The following IFT56 variants were observed in gnomAD, a reference collection of about 807,000 sequenced individuals.
IFT56 encodes the protein intraflagellar transport protein 56.
At chr7:139,187,846 C>A in the IFT56 span, among the ~76,000 whole-genome samples, 8 of 151,430 alleles carry the variant, frequency 5.3e-5, no homozygotes, top group African/African-American at 1.7e-4. Flanking sequence ...AATGAACAGC[C>A]ATTTTTATAG....
chr7:139,159,572 C>T, the IFT56 span, among the ~76,000 whole-genome samples: 2 of 152,256 alleles, frequency 1.3e-5, no homozygotes, highest in Admixed American at 1.3e-4. Context: ...TGGTATTGGG[C>T]TTTCTTTTTT....
chr7:139,184,186 C>T, the IFT56 span, among the ~76,000 whole-genome samples: 1 of 152,216 alleles, frequency 6.6e-6, no homozygotes, highest in Non-Finnish European at 1.5e-5. Context: ...GTCTCCTTTC[C>T]TTGCTTTCTC....
the IFT56 span, among the ~76,000 whole-genome samples, chr7:139,156,685 T>A: frequency 5.3e-5 from 8 of 152,214 alleles, no homozygotes; most frequent in South Asian, 4.1e-4. Flanking sequence ...ATTTTATTTT[T>A]TTTTCCATGA....
chr7:139,148,580 C>T, the IFT56 span, among the ~76,000 whole-genome samples: 1 of 152,108 alleles, frequency 6.6e-6, no homozygotes, highest in Non-Finnish European at 1.5e-5. Flanking sequence ...TGTGTTATGT[C>T]CATTAAATTG....
At chr7:139,142,285 C>G in the IFT56 span, 4 of 1,614,034 alleles carry the variant, frequency 2.5e-6, no homozygotes, top group South Asian at 2.2e-5. Context: ...AAACCGCCTC[C>G]TCTTCCACTT....
At chr7:139,152,969 T>C in the IFT56 span, among the ~76,000 whole-genome samples, 1 of 151,656 alleles carries the variant, frequency 6.6e-6, no homozygotes, top group Non-Finnish European at 1.5e-5. Context: ...GGCAACACAG[T>C]GAAACCCCGA....
chr7:139,188,591 A>G, the IFT56 span, among the ~76,000 whole-genome samples: 1 of 152,248 alleles, frequency 6.6e-6, no homozygotes, highest in Non-Finnish European at 1.5e-5. Context: ...ACATTTGGTT[A>G]GGTGAAAGAG....
the IFT56 span, among the ~76,000 whole-genome samples, chr7:139,175,069 G>A: frequency 5.3e-5 from 8 of 151,910 alleles, no homozygotes; most frequent in African/African-American, 1.9e-4. Context: ...ATGACAAATG[G>A]GTATATGAAA....
At chr7:139,140,609 A>T in the IFT56 span, among the ~76,000 whole-genome samples, 2 of 151,732 alleles carry the variant, frequency 1.3e-5, no homozygotes, top group Non-Finnish European at 2.9e-5. Context: ...GAGAAACCCC[A>T]TCTCTACTAA....
At chr7:139,135,260 A>G in the IFT56 span, among the ~76,000 whole-genome samples, 4 of 143,290 alleles carry the variant, frequency 2.8e-5, no homozygotes, top group Admixed American at 2.9e-4. Context: ...GCCTGGCTAC[A>G]AGGCGAGACT....
chr7:139,180,272 G>A, the IFT56 span, among the ~76,000 whole-genome samples: 1 of 152,192 alleles, frequency 6.6e-6, no homozygotes, highest in African/African-American at 2.4e-5. Context: ...GGGAGGCGGA[G>A]CTGCAGTGAG....
chr7:139,169,397 G>A, the IFT56 span: 1 of 1,549,342 alleles, frequency 6.5e-7, no homozygotes, highest in East Asian at 2.2e-5. Context: ...TAATTGGAGT[G>A]GGGCATATAT....
At chr7:139,173,525 G>A in the IFT56 span, 18 of 760,702 alleles carry the variant, frequency 2.4e-5, no homozygotes, top group Non-Finnish European at 3.4e-5. Context: ...CACCGCACCC[G>A]GCAAAGTCAC....
At chr7:139,147,504 C>T in the IFT56 span, among the ~76,000 whole-genome samples, 1 of 152,064 alleles carries the variant, frequency 6.6e-6, no homozygotes, top group Non-Finnish European at 1.5e-5. Flanking sequence ...CTTTTTCCCC[C>T]AATTGCCCTC....
the IFT56 span, among the ~76,000 whole-genome samples, chr7:139,186,439 AG>A: frequency 3.3e-5 from 5 of 151,706 alleles, no homozygotes; most frequent in Non-Finnish European, 7.4e-5. Flanking sequence ...AAAAAAAAAA[AG>A]AATAAAAATT....
the IFT56 span, among the ~76,000 whole-genome samples, chr7:139,180,448 ACCTGTAATC>A: frequency 6.6e-6 from 1 of 150,486 alleles, no homozygotes; most frequent in East Asian, 2.0e-4. Context: ...AGTTGCTCAC[ACCTGTAATC>A]CCAGCACTTT....
chr7:139,152,957 T>C, the IFT56 span, among the ~76,000 whole-genome samples: 1 of 151,934 alleles, frequency 6.6e-6, no homozygotes, highest in African/African-American at 2.4e-5. Flanking sequence ...GAGACCAGCC[T>C]GGGCAACACA....
the IFT56 span, chr7:139,148,308 T>C: frequency 8.7e-6 from 14 of 1,614,118 alleles, no homozygotes; most frequent in Non-Finnish European, 1.2e-5. Flanking sequence ...AGCAAATTCC[T>C]GATAGTACCA....
the IFT56 span, among the ~76,000 whole-genome samples, chr7:139,141,097 A>G: frequency 6.6e-6 from 1 of 151,484 alleles, no homozygotes; most frequent in Non-Finnish European, 1.5e-5. Context: ...CGTCTCTACT[A>G]AAAATACAAA....
Sources: gnomAD v4.1 joint callset for allele counts (sites outside exome capture counted in the v4.1 genomes callset) on GRCh38, gnomAD v4.1.1 for gene constraint, MANE v1.5 for transcripts, NCBI Gene and HGNC (gene_info 2026-07-23, HGNC 2026-07-21) for gene names.